Variants in INTS7 observed in about 807,000 individuals in gnomAD.
The protein encoded by INTS7 is integrator complex subunit 7, also known as chromosome 1 open reading frame 73.
Under a neutral mutation model 109.2 loss-of-function variants are expected in INTS7, and 46 were observed. That is an observed-to-expected ratio of 0.42 (90% CI 0.33 to 0.54). INTS7 has a LOEUF of 0.54. Among genes scored for constraint, INTS7 ranks in the 20% least tolerant of loss-of-function variants. The pLI, the probability that INTS7 is intolerant of heterozygous loss-of-function variation, is 0.07. For missense variants in INTS7, 929 were observed against 1,132.4 expected (o/e 0.82, Z 2.58); for synonymous variants, 412 against 402.9 (o/e 1.02, Z -0.27).
chr1:211,995,480 A>C (rs1665340405), intron 7 of INTS7, among the ~76,000 whole-genome samples: 1 of 152,216 alleles, frequency 6.6e-6, no homozygotes, highest in Non-Finnish European at 1.5e-5. Context: ...CGGATAATAA[A>C]ATTGGCAAAG....
In INTS7 at chr1:211,956,079, C is replaced by CT. The variant is rs371300720; in HGVS notation, c.2184-3379dup. The stretch of plus-strand genomic sequence containing the variant: ...TAAATAGAGCCATACAATACATACT[C>CT]TTTTGTGTATGGTGTGGGGTAAGGA... On this transcript the variant is annotated intron_variant, in intron 16 of 19. Coordinates refer to ENST00000366994, the MANE Select transcript of INTS7 (RefSeq NM_015434.4). 5.7e-3 allele frequency among the ~76,000 whole-genome samples: 873 copies of CT among 152,314 alleles called. 6 individuals carry two copies. Among genetic ancestry groups the CT allele is most frequent in the African/African-American group, 0.019 (808 of 41,566 alleles).
chr1:211,971,425 T>C (rs1395795415), intron 13 of INTS7, among the ~76,000 whole-genome samples: 1 of 152,208 alleles, frequency 6.6e-6, no homozygotes, highest in African/African-American at 2.4e-5. Flanking sequence ...AATAAATTGA[T>C]GTATATTCTT....
chr1:212,017,985 G>C (rs1228648290), intron 3 of INTS7, among the ~76,000 whole-genome samples: 1 of 152,132 alleles, frequency 6.6e-6, no homozygotes, highest in Non-Finnish European at 1.5e-5. Context: ...GAAAAGATTA[G>C]ACTAGGCTAA....
chr1:211,956,664 G>A (rs1663373990), intron 16 of INTS7, among the ~76,000 whole-genome samples: 1 of 151,918 alleles, frequency 6.6e-6, no homozygotes, highest in South Asian at 2.1e-4. Context: ...TCTTTTCAAA[G>A]AACCAGCTTC....
At position 211,959,049 on chromosome 1, in the gene INTS7, A is replaced by G. The variant is rs1571849807; in HGVS notation, c.2184-6348T>C. On this transcript the variant is annotated intron_variant, in intron 16 of 19. Coordinates refer to ENST00000366994, the MANE Select transcript of INTS7 (RefSeq NM_015434.4). This position sits in a 1 kb window ranked among gnomAD's most constrained non-coding sequence, Gnocchi z 4.2. ...TGAACTGGCAAAAAAACAACCAGCTACTGCCACGGGCCTCTGGAATCCTGG... is the reference window on the plus strand; with the variant it reads ...TGAACTGGCAAAAAAACAACCAGCTGCTGCCACGGGCCTCTGGAATCCTGG... 6.6e-6 allele frequency among the ~76,000 whole-genome samples: 1 copy of G among 152,184 alleles called. No individual in the cohort carries two copies. The highest frequency in any genetic ancestry group is 2.1e-4 in the South Asian group (1 of 4,832).
chr1:212,024,478 T>C (rs1288979873), intron 1 of INTS7, among the ~76,000 whole-genome samples: 1 of 152,182 alleles, frequency 6.6e-6, no homozygotes, highest in East Asian at 1.9e-4. Flanking sequence ...TTAATGCAGG[T>C]AAACATACTA....
At chr1:212,006,062 G>A (rs908639662) in intron 7 of INTS7, among the ~76,000 whole-genome samples, 7 of 151,722 alleles carry the variant, frequency 4.6e-5, no homozygotes, top group Admixed American at 2.0e-4. Context: ...TATTTCTATC[G>A]GTAATGGGTA....
chr1:211,990,750 A>C (rs1665109739), intron 7 of INTS7, among the ~76,000 whole-genome samples: 1 of 152,178 alleles, frequency 6.6e-6, no homozygotes, highest in Non-Finnish European at 1.5e-5. Flanking sequence ...ATTTTGGCCT[A>C]AGAGGAGATA....
intron 16 of INTS7, among the ~76,000 whole-genome samples, chr1:211,963,928 G>C (rs552791167): frequency 2.0e-5 from 3 of 152,108 alleles, no homozygotes; most frequent in African/African-American, 4.8e-5. Flanking sequence ...CCTGAAAACC[G>C]GCATAACAAA....
chr1:211,957,739 T>C (rs1030351650), intron 16 of INTS7, among the ~76,000 whole-genome samples: 1 of 152,222 alleles, frequency 6.6e-6, no homozygotes, highest in African/African-American at 2.4e-5. Context: ...TTTTCTCTTA[T>C]GGTAACTGCT....
chr1:212,020,848 G>A (rs7517502), intron 2 of INTS7: 29,306 of 620,298 alleles, frequency 0.047, 1,186 homozygotes, highest in African/African-American at 0.16. Flanking sequence ...AAAATATTAA[G>A]GTTGTCTTAA....
intron 2 of INTS7, 124 bp downstream of exon 2, chr1:212,020,959 T>C (rs989391041): frequency 1.2e-6 from 1 of 858,718 alleles, no homozygotes; most frequent in South Asian, 1.9e-5. Flanking sequence ...CACACAGTCA[T>C]GTGTGTCCAC....
intron 12 of INTS7, among the ~76,000 whole-genome samples, chr1:211,976,261 T>C (rs984288206): frequency 2.0e-5 from 3 of 152,156 alleles, no homozygotes; most frequent in Non-Finnish European, 2.9e-5. Context: ...TGTGGTATAC[T>C]GAGAAAGGAA....
chr1:211,940,748 C>T lies in INTS7; in HGVS notation c.*1076G>A, dbSNP rs1662594388. ...AGACTGCTCTCTCTAAACAATCAGT[C>T]TAGCATAACTCATCAAGTATAAACC... On this transcript the variant is annotated 3_prime_UTR_variant, in exon 20 of 20. Transcript: ENST00000366994. The T allele has an allele frequency of 6.6e-6, 1 of 152,190 alleles. No individual in the cohort carries two copies. The allele number at this position is 152,190 out of a possible 1,614,324, so 9.4% of individuals were successfully genotyped here.
chr1:212,027,217 A>T (rs1411823760), intron 1 of INTS7, among the ~76,000 whole-genome samples: 2 of 152,234 alleles, frequency 1.3e-5, no homozygotes, highest in East Asian at 1.9e-4. Context: ...ACTTAGCAAC[A>T]GCCCTGGGTT....
intron 13 of INTS7, among the ~76,000 whole-genome samples, chr1:211,973,711 A>C (rs1664278298): frequency 3.3e-5 from 5 of 152,248 alleles, no homozygotes; most frequent in Admixed American, 2.6e-4. Context: ...AGTTCTGGGA[A>C]GTTTCCAACA....
chr1:211,980,379 C>T (rs1225235124), intron 10 of INTS7, among the ~76,000 whole-genome samples: 1 of 152,152 alleles, frequency 6.6e-6, no homozygotes, highest in Non-Finnish European at 1.5e-5. Flanking sequence ...TAATTTTGCA[C>T]CATCACAAAT....
At chr1:212,027,923 T>C (rs1482375152) in intron 1 of INTS7, among the ~76,000 whole-genome samples, 1 of 152,002 alleles carries the variant, frequency 6.6e-6, no homozygotes, top group East Asian at 1.9e-4. Flanking sequence ...GCCCCCCGGG[T>C]TCAAGTGATT....
In INTS7 at chr1:212,007,332, T is replaced by C; in HGVS notation, c.674A>G (p.Tyr225Cys). 1.2e-6 allele frequency: 2 copies of C among 1,613,970 alleles called. No homozygotes were observed. Among genetic ancestry groups the C allele is most frequent in the Non-Finnish European group, 1.7e-6 (2 of 1,179,896 alleles). ...RQLLQQLVTS[Y>C]PSTKMVIVSL... Reference sequence around the variant, plus strand: ...CACAATCACCATTTTGGTGGACGGATAGGATGTGACCAGCTGTTGTAAAAG... The same window carrying C: ...CACAATCACCATTTTGGTGGACGGACAGGATGTGACCAGCTGTTGTAAAAG... Residue 225 changes from tyrosine to cysteine, a missense_variant, in exon 6 of 20, where the codon TAT becomes TGT. By Grantham distance (194) the Tyr-to-Cys change is radical. Coordinates refer to ENST00000366994, the MANE Select transcript of INTS7 (RefSeq NM_015434.4).
Sources: allele counts gnomAD v4.1 joint callset (sites outside exome capture counted in the v4.1 genomes callset), GRCh38; gene constraint gnomAD v4.1.1; non-coding constraint Gnocchi (gnomAD v3.1); transcripts MANE v1.5; gene names NCBI Gene and HGNC (gene_info 2026-07-23, HGNC 2026-07-21).